The following SENP8 variants were observed in gnomAD, a reference collection of about 807,000 sequenced individuals.
SENP8 encodes sentrin-specific protease 8.
In SENP8, 10 loss-of-function variants were observed where a neutral mutation model predicts 14.4. The observed-to-expected ratio is 0.69, with a 90% confidence interval of 0.43 to 1.18. SENP8 has a LOEUF of 1.18. Ranked by LOEUF, SENP8 falls within the 50% of genes most tolerant of loss-of-function variation. SENP8 has a pLI of 0.00. For synonymous variants in SENP8, 94 were observed against 95.5 expected (o/e 0.98, Z 0.09); for missense variants, 202 against 249.4 (o/e 0.81, Z 1.28).
intron 1 of SENP8, among the ~76,000 whole-genome samples, chr15:72,133,480 A>G (rs2081295484): frequency 6.6e-6 from 1 of 152,218 alleles, no homozygotes; most frequent in African/African-American, 2.4e-5. Flanking sequence ...ACATGCATCC[A>G]GCTCCACCTG....
At chr15:72,134,964 G>T in intron 1 of SENP8, 1 of 307,124 alleles carries the variant, frequency 3.3e-6, no homozygotes, top group South Asian at 3.0e-5. Context: ...AAATCGTGAA[G>T]GAAAATGATC....
At chr15:72,118,713 C>T (rs561817352) in intron 1 of SENP8, 1 of 152,308 alleles carries the variant, frequency 6.6e-6, no homozygotes, top group South Asian at 2.1e-4. Flanking sequence ...GCCTTGGGTT[C>T]CAGAATGTCA....
chr15:72,117,949 A>C (rs977476646), upstream of SENP8: 1 of 401,014 alleles, frequency 2.5e-6, no homozygotes, highest in Non-Finnish European at 4.4e-6. Flanking sequence ...CCGCCGCCTC[A>C]ACCGCTGCCA....
At chr15:72,117,096 A>C (rs192368663), upstream of SENP8, 11 of 152,442 alleles carry the variant, frequency 7.2e-5, no homozygotes, top group African/African-American at 2.6e-4. Context: ...GAGAGAGGCT[A>C]CAGTCGGTGG....
chr15:72,124,388 G>T (rs1181553528), intron 1 of SENP8, among the ~76,000 whole-genome samples: 1 of 152,060 alleles, frequency 6.6e-6, no homozygotes, highest in East Asian at 1.9e-4. Context: ...GATGGCTTAG[G>T]CTTAGTTTTA....
rs1467681665 is a variant in SENP8, at chr15:72,139,740, T to C, written c.117T>C (p.Phe39=). The C allele has an allele frequency of 1.2e-6, 2 of 1,614,200 alleles. No homozygotes were observed. ...TTATTGGGTTTGCGTTTGAGTACTT[T>C]GCCAACAGTCAGTTTCATGACTGCT... is the stretch of plus-strand genomic sequence containing the variant. The part of the protein sequence containing the change: ...DHIIGFAFEY[F]ANSQFHDCSD... Residue 39 remains phenylalanine (F), a synonymous_variant, in exon 2 of 2, where the codon TTT becomes TTC. Coordinates refer to ENST00000340912, the MANE Select transcript of SENP8 (RefSeq NM_145204.4).
upstream of SENP8, chr15:72,118,066 T>C (rs1275163049): frequency 1.8e-5 from 7 of 394,766 alleles, no homozygotes; most frequent in Non-Finnish European, 2.7e-5. Flanking sequence ...GCGTCCCTTA[T>C]CCGCTTCGGT....
At chr15:72,134,735 G>T in intron 1 of SENP8, 1 of 227,756 alleles carries the variant, frequency 4.4e-6, no homozygotes, top group South Asian at 7.0e-5. Context: ...ATGTATATGC[G>T]AATCTATAAG....
intron 1 of SENP8, among the ~76,000 whole-genome samples, chr15:72,119,029 AG>A (rs2081112395): frequency 6.6e-6 from 1 of 152,228 alleles, no homozygotes; most frequent in South Asian, 2.1e-4. Context: ...GGTCTGAAAG[AG>A]AAAAAAGAAG....
chr15:72,122,250 A>AGT (rs200836038), intron 1 of SENP8, among the ~76,000 whole-genome samples: 1,803 of 143,334 alleles, frequency 0.013, 21 homozygotes, highest in African/African-American at 0.022. Context: ...TAGTACCCAA[A>AGT]GTATGTACTG....
Position 72,143,543 on chromosome 15 carries a change from A to G in SENP8, c.*3281A>G, listed in dbSNP as rs2081393206. On this transcript the variant is annotated 3_prime_UTR_variant, in exon 2 of 2. Transcript: ENST00000340912. ...TACACAAGTACCTTGCATATTATATATGCATCATTATATATATTACCATAT... is the reference window on the plus strand; with the variant it reads ...TACACAAGTACCTTGCATATTATATGTGCATCATTATATATATTACCATAT... 6.6e-6 allele frequency: 1 copy of G among 152,208 alleles called. No individual in the cohort carries two copies. Among genetic ancestry groups the G allele is most frequent in the African/African-American group, 2.4e-5 (1 of 41,438 alleles). The allele number at this position is 152,208 out of a possible 1,614,324, so 9.4% of individuals were successfully genotyped here.
intron 1 of SENP8, among the ~76,000 whole-genome samples, chr15:72,135,756 A>T (rs1270967560): frequency 6.6e-6 from 1 of 152,214 alleles, no homozygotes; most frequent in African/African-American, 2.4e-5. Context: ...AAACACAAAA[A>T]CTATTTCTGA....
chr15:72,131,516 GT>G (rs1393915256), intron 1 of SENP8, among the ~76,000 whole-genome samples: 1 of 152,036 alleles, frequency 6.6e-6, no homozygotes, highest in African/African-American at 2.4e-5. Flanking sequence ...TAATTACTTT[GT>G]TTTTTATAAC....
At chr15:72,120,358 A>G (rs999443726) in intron 1 of SENP8, among the ~76,000 whole-genome samples, 1 of 152,248 alleles carries the variant, frequency 6.6e-6, no homozygotes, top group Non-Finnish European at 1.5e-5. Context: ...AAACCTGTCT[A>G]TCAGACCCAG....
At chr15:72,134,978 A>G (rs2140518574) in intron 1 of SENP8, 2 of 311,606 alleles carry the variant, frequency 6.4e-6, no homozygotes, top group Admixed American at 4.1e-5. Context: ...AATGATCAGA[A>G]AAAGAAGGAA....
rs1433327944 is a variant in SENP8, at chr15:72,139,987, A to G, written c.364A>G (p.Ser122Gly). The G allele has an allele frequency of 6.2e-7, 1 of 1,614,116 alleles. No individual in the cohort carries two copies. Among genetic ancestry groups the G allele is most frequent in the Non-Finnish European group, 8.5e-7 (1 of 1,180,040 alleles). Reference sequence around the variant, plus strand: ...TAGCTTTTTTCATTATGATTCCCATAGCAGGAGCAACTCAGTTCACGCAAA... The same window carrying G: ...TAGCTTTTTTCATTATGATTCCCATGGCAGGAGCAACTCAGTTCACGCAAA... ...KNSFFHYDSH[S>G]RSNSVHAKQV... is the part of the protein sequence containing the mutation. The change falls in exon 2 of 2, where the codon AGC (serine) becomes GGC (glycine). Residue 122 changes from serine (S) to glycine (G), a missense_variant. Ser to Gly is a moderately conservative substitution (Grantham distance 56, BLOSUM62 0). Transcript: ENST00000340912.
chr15:72,131,507 A>C (rs1341667648), intron 1 of SENP8, among the ~76,000 whole-genome samples: 1 of 152,126 alleles, frequency 6.6e-6, no homozygotes, highest in Non-Finnish European at 1.5e-5. Flanking sequence ...CTTTTTATTT[A>C]ATTACTTTGT....
intron 1 of SENP8, among the ~76,000 whole-genome samples, chr15:72,137,517 T>C (rs1039246143): frequency 6.6e-6 from 1 of 152,160 alleles, no homozygotes; most frequent in African/African-American, 2.4e-5. Flanking sequence ...ACACATGTTA[T>C]ATCACTCATG....
intron 1 of SENP8, chr15:72,135,211 A>T: frequency 5.6e-6 from 1 of 178,666 alleles, no homozygotes; most frequent in South Asian, 1.1e-4. Context: ...ACAGGCACCC[A>T]CCACCACGCC....
Sources: allele counts gnomAD v4.1 joint callset (sites outside exome capture counted in the v4.1 genomes callset), GRCh38; gene constraint gnomAD v4.1.1; transcripts MANE v1.5; gene names NCBI Gene and HGNC (gene_info 2026-07-23, HGNC 2026-07-21).